The following UTP20 variants were observed in gnomAD, a reference collection of about 807,000 sequenced individuals.
UTP20 encodes the protein UTP20 small subunit processome component.
A neutral mutation model predicts 329.5 loss-of-function variants in UTP20; 164 were observed. The observed-to-expected ratio is 0.50, with a 90% CI of 0.44 to 0.57. UTP20 has a LOEUF of 0.57. Ranked by LOEUF, UTP20 falls within the 20% of genes least tolerant of loss-of-function variation. The pLI is 0.00. For synonymous variants in UTP20, 1,151 were observed against 1,159.3 expected, an observed-to-expected ratio of 0.99 and a Z score of 0.14; for missense variants, 3,055 against 3,284.2, an observed-to-expected ratio of 0.93 and a Z score of 1.71.
Position 101,308,242 on chromosome 12 carries a change from G to T in UTP20, c.2053G>T (p.Val685Phe), listed in dbSNP as rs151294243. 5.6e-6 allele frequency: 9 copies of T among 1,612,750 alleles called. No homozygotes were observed. Among genetic ancestry groups the T allele is most frequent in the Non-Finnish European group, 5.9e-6 (7 of 1,179,444 alleles). ...VFAILRQAELVPATVNDYREK... is the reference protein window; with the variant it reads ...VFAILRQAELFPATVNDYREK... ...TGCTATATTACGCCAGGCAGAACTT[G>T]TTCCAGCAACTGTGAATGATTATAG... is the stretch of plus-strand genomic sequence containing the variant. Residue 685 changes from valine to phenylalanine, a missense_variant, in exon 18 of 62, where the codon GTT (valine) becomes TTT (phenylalanine). Around this residue, in one of 3 missense-constraint regions of UTP20, gnomAD observed 2,445 missense variants for 2,575.5 expected, o/e 0.95. Transcript: ENST00000261637.
intron 29 of UTP20, among the ~76,000 whole-genome samples, chr12:101,336,404 A>G (rs139713323): frequency 3.3e-5 from 5 of 152,360 alleles, no homozygotes; most frequent in African/African-American, 1.2e-4. Context: ...CTTATAAGTA[A>G]GTTTAAATTT....
At chr12:101,286,558 T>C in intron 5 of UTP20, 49 bp downstream of exon 5, 1 of 1,429,686 alleles carries the variant, frequency 7.0e-7, no homozygotes, top group Non-Finnish European at 9.3e-7. Flanking sequence ...TGCTTCTTTT[T>C]CCCTGGCTTC....
At chr12:101,354,555 G>T (rs1565802492) in intron 40 of UTP20, among the ~76,000 whole-genome samples, 1 of 152,098 alleles carries the variant, frequency 6.6e-6, no homozygotes, top group Non-Finnish European at 1.5e-5. Context: ...TGCCCCCCAA[G>T]CCTCCCAGTG....
chr12:101,382,035 A>AG (rs1555203544), intron 58 of UTP20, among the ~76,000 whole-genome samples: 2 of 151,030 alleles, frequency 1.3e-5, no homozygotes, highest in Non-Finnish European at 1.5e-5. Context: ...AAAAAAAAAA[A>AG]AGAGAGAGAA....
chr12:101,355,054 A>G lies in UTP20; in HGVS notation c.5330A>G (p.Lys1777Arg). The stretch of plus-strand genomic sequence containing the variant: ...AAGGAAGAAATAGAGAGAACAATTA[A>G]AAATATCCAAGGAACCATAACCGGG... ...QNKEEIERTI[K>R]NIQGTITGDI... is the part of the protein sequence containing the mutation. The change falls in exon 41 of 62, where the codon AAA becomes AGA. Residue 1777 changes from lysine (K) to arginine (R), a missense_variant. Physicochemically the swap from Lys to Arg is conservative, Grantham distance 26. Transcript: ENST00000261637. The G allele has an allele frequency of 6.2e-7, 1 of 1,614,206 alleles. No homozygotes were observed. The highest frequency in any genetic ancestry group is 2.2e-5 in the East Asian group (1 of 44,884).
chr12:101,354,674 C>A (rs1381715476), intron 40 of UTP20, among the ~76,000 whole-genome samples, 158 bp from the exon 41 acceptor site: 5 of 152,216 alleles, frequency 3.3e-5, no homozygotes, highest in Non-Finnish European at 7.3e-5. Flanking sequence ...ATGGCCCTCT[C>A]ATTTACTGCT....
chr12:101,365,259 G>A (rs1220044741), intron 45 of UTP20, among the ~76,000 whole-genome samples, 200 bp from the exon 46 acceptor site: 2 of 152,092 alleles, frequency 1.3e-5, no homozygotes, highest in Non-Finnish European at 2.9e-5. Context: ...CTGCACAGTG[G>A]TTCTTCCTGG....
Position 101,309,815 on chromosome 12 carries a change from G to A in UTP20, c.2207G>A (p.Trp736Ter), listed in dbSNP as rs761518561. The part of the protein sequence containing the change: ...GMLYINFSAL[W>*]DPVIELISSH... ...CTATATATTAATTTCAGTGCACTCT[G>A]GGATCCTGTTATTGAACTCATAAGG... The change falls in exon 19 of 62, where the codon TGG becomes TAG. Residue 736 changes from tryptophan to a stop codon, truncating the protein, a stop_gained. Transcript: ENST00000261637. LOFTEE classifies it high-confidence loss of function. 1.2e-6 allele frequency: 2 copies of A among 1,613,632 alleles called. No individual in the cohort carries two copies. The highest frequency in any genetic ancestry group is 1.7e-6 in the Non-Finnish European group (2 of 1,179,966).
chr12:101,385,032 A>G (rs1249508002), intron 60 of UTP20, among the ~76,000 whole-genome samples: 2 of 151,648 alleles, frequency 1.3e-5, no homozygotes, highest in Admixed American at 1.3e-4. Flanking sequence ...GGTGAGTGGC[A>G]GAGAAGGGTG....
chr12:101,335,111 C>T (rs1377344937), intron 29 of UTP20, among the ~76,000 whole-genome samples: 1 of 152,010 alleles, frequency 6.6e-6, no homozygotes, highest in Non-Finnish European at 1.5e-5. Context: ...ACAATGTGGC[C>T]ATAGCACGTG....
At chr12:101,281,003 T>C in intron 1 of UTP20, 113 bp from the exon 2 acceptor site, 1 of 861,524 alleles carries the variant, frequency 1.2e-6, no homozygotes, top group Non-Finnish European at 1.7e-6. Flanking sequence ...TTTCAGTTTA[T>C]TTTTCCACTT....
intron 43 of UTP20, among the ~76,000 whole-genome samples, 158 bp downstream of exon 43, chr12:101,357,240 A>G (rs1869754244): frequency 6.6e-6 from 1 of 152,158 alleles, no homozygotes. Context: ...TATTAAGGAA[A>G]TCTGTTGTTT....
chr12:101,307,181 A>C (rs1341395819), intron 17 of UTP20, among the ~76,000 whole-genome samples: 1 of 150,882 alleles, frequency 6.6e-6, no homozygotes, highest in Non-Finnish European at 1.5e-5. Flanking sequence ...CCGTCTCAAA[A>C]AAAAAAAAAA....
chr12:101,290,610 C>T (rs1872111136), intron 7 of UTP20, 123 bp from the exon 8 acceptor site: 1 of 1,088,712 alleles, frequency 9.2e-7, no homozygotes, highest in Admixed American at 3.2e-5. Flanking sequence ...TCAAAGTTGC[C>T]ATATCCTTGA....
chr12:101,303,370 T>TC (rs1205195323), intron 15 of UTP20, among the ~76,000 whole-genome samples: 25 of 151,816 alleles, frequency 1.6e-4, no homozygotes, highest in African/African-American at 5.8e-4. Flanking sequence ...CAAAGCAGGG[T>TC]CAGGAGATAG....
At chr12:101,312,303 C>G (rs1872819073) in intron 21 of UTP20, 27 bp downstream of exon 21, 2 of 1,609,546 alleles carry the variant, frequency 1.2e-6, no homozygotes, top group African/African-American at 1.3e-5. Flanking sequence ...AAGAATATGT[C>G]CCTGGTGGGG....
intron 21 of UTP20, among the ~76,000 whole-genome samples, chr12:101,314,959 G>A (rs1250160302): frequency 6.6e-6 from 1 of 151,982 alleles, no homozygotes; most frequent in East Asian, 2.0e-4. Flanking sequence ...GGGCATGGTG[G>A]TGCCTGCCTG....
chr12:101,381,322 CAG>C, intron 58 of UTP20, 111 bp downstream of exon 58: 1 of 887,004 alleles, frequency 1.1e-6, no homozygotes, highest in African/African-American at 1.7e-5. Flanking sequence ...ACCCCGAGGT[CAG>C]GAGTTCGAGA....
intron 54 of UTP20, among the ~76,000 whole-genome samples, 190 bp downstream of exon 54, chr12:101,373,957 C>G (rs563473924): frequency 6.6e-6 from 1 of 152,238 alleles, no homozygotes; most frequent in Non-Finnish European, 1.5e-5. Context: ...TAATATAGGC[C>G]GGGCGCGGTG....
Sources: allele counts gnomAD v4.1 joint callset (sites outside exome capture counted in the v4.1 genomes callset), GRCh38; gene constraint gnomAD v4.1.1; regional missense constraint gnomAD v4.1.1; transcripts MANE v1.5; gene names NCBI Gene and HGNC (gene_info 2026-07-23, HGNC 2026-07-21).